The following ERMP1 variants were observed in gnomAD, a reference collection of about 807,000 sequenced individuals.
ERMP1 encodes endoplasmic reticulum metallopeptidase 1, also known as Felix-ina.
ERMP1 carries 86 observed loss-of-function variants against 92.0 expected under a neutral mutation model. That is an observed-to-expected ratio of 0.93 (90% CI 0.79 to 1.12). The LOEUF (loss-of-function observed/expected upper bound fraction) is 1.12, where lower values mean the gene tolerates loss of function less well. Ranked by LOEUF, ERMP1 falls within the 50% of genes most tolerant of loss-of-function variation. The pLI, the probability that ERMP1 is intolerant of heterozygous loss-of-function variation, is 0.00. For missense variants in ERMP1, 1,342 were observed against 1,116.3 expected (o/e 1.20, Z -2.88); for synonymous variants, 530 against 412.8 (o/e 1.28, Z -3.44).
At chr9:5,828,693 G>T (rs1405563354) in intron 2 of ERMP1, among the ~76,000 whole-genome samples, 1 of 152,184 alleles carries the variant, frequency 6.6e-6, no homozygotes, top group South Asian at 2.1e-4. Context: ...TGAAGTGCAT[G>T]TGTTAATAAA....
chr9:5,789,039 T>C lies in ERMP1; in HGVS notation c.2387-1446A>G, dbSNP rs192134587. ...GATAGTGGTAAAAATGGAAGGCAGGTCAGAAAAAATATTCATTTGGTACCC... is the reference window on the plus strand; with the variant it reads ...GATAGTGGTAAAAATGGAAGGCAGGCCAGAAAAAATATTCATTTGGTACCC... On this transcript the variant is annotated intron_variant, in intron 13 of 14. Transcript: ENST00000339450. Among the ~76,000 whole-genome samples, 3 of 151,714 alleles carry C rather than the reference T, an allele frequency of 2.0e-5. No homozygotes were observed. The East Asian group carries it at 5.8e-4, about 29-fold the overall frequency.
intron 13 of ERMP1, among the ~76,000 whole-genome samples, chr9:5,796,689 A>G (rs955522407): frequency 1.3e-5 from 2 of 152,194 alleles, no homozygotes; most frequent in African/African-American, 4.8e-5. Context: ...CTACAGAGAT[A>G]ATAAAAAGAC....
chr9:5,832,969 C>G lies in ERMP1; in HGVS notation c.59G>C (p.Arg20Pro). Residue 20 changes from arginine to proline, a missense_variant, in exon 1 of 15, where the codon CGA becomes CCA. Arg to Pro is a moderately radical substitution (Grantham distance 103, BLOSUM62 -2). Transcript: ENST00000339450. ...VRRHRVGVER[R>P]EGAAAAPPPE... ...CGGTGGCGCGGCCGCCGCTCCCTCT[C>G]GACGCTCTACTCCGACGCGGTGCCG... 6.4e-7 allele frequency: 1 copy of G among 1,565,866 alleles called. No homozygotes were observed. Among genetic ancestry groups the G allele is most frequent in the Non-Finnish European group, 8.6e-7 (1 of 1,166,874 alleles).
At position 5,787,412 on chromosome 9, in the gene ERMP1, ATGCTGGGAAAT is replaced by A; in HGVS notation, c.2550+7_2550+17del. ...GGGAACCTAATCAATGAAACAAACA[ATGCTGGGAAAT>A]TGGCACCTGCACTTCTATCCAGAAC... On this transcript the variant is annotated splice_region_variant and intron_variant, in intron 14 of 14. Transcript: ENST00000339450. 1 of 1,610,742 alleles carries A rather than the reference ATGCTGGGAAAT, an allele frequency of 6.2e-7. No homozygotes were observed. The highest frequency in any genetic ancestry group is 1.1e-5 in the South Asian group (1 of 90,674).
In ERMP1 at chr9:5,812,918, C is replaced by T. The variant is rs771593182; in HGVS notation, c.992G>A (p.Arg331His). ...SGIIPSDTDF[R>H]IYRDFGNIPG... ...AATGTTCCCAAAATCCCTGTAGATA[C>T]GAAAGTCAGTATCTGAAGGAATGAT... Residue 331 changes from arginine to histidine, a missense_variant, in exon 5 of 15, where the codon CGT becomes CAT. Transcript: ENST00000339450. 22 of 1,613,792 alleles carry T rather than the reference C, an allele frequency of 1.4e-5. No homozygotes were observed. The highest frequency in any genetic ancestry group is 4.0e-5 in the African/African-American group (3 of 74,868).
Position 5,805,164 on chromosome 9 carries a change from G to A in ERMP1, c.1777C>T (p.Leu593Phe), listed in dbSNP as rs1828822725. ...FYLLGMFIPY[L>F]YALYLIWAVF... ...GCCCAGATGAGGTACAATGCATAAA[G>A]ATAAGGAATAAACATCCCCAAAAGG... The change falls in exon 10 of 15, where the codon CTT (leucine) becomes TTT (phenylalanine). Residue 593 changes from leucine (L) to phenylalanine (F), a missense_variant. Coordinates refer to ENST00000339450, the MANE Select transcript of ERMP1 (RefSeq NM_024896.3). 6.2e-7 allele frequency: 1 copy of A among 1,612,562 alleles called. No individual in the cohort carries two copies.
chr9:5,837,432 A>G (rs1354599456), upstream of ERMP1, among the ~76,000 whole-genome samples: 1 of 152,186 alleles, frequency 6.6e-6, no homozygotes, highest in Non-Finnish European at 1.5e-5. Flanking sequence ...ATAATTAAAT[A>G]TTTATAATAA....
At position 5,805,730 on chromosome 9, in the gene ERMP1, T is replaced by C; in HGVS notation, c.1604A>G (p.His535Arg). 2 of 1,612,562 alleles carry C rather than the reference T, an allele frequency of 1.2e-6. No homozygotes were observed. Among genetic ancestry groups the C allele is most frequent in the Non-Finnish European group, 1.7e-6 (2 of 1,179,514 alleles). Reference sequence around the variant, plus strand: ...AGTGAGGGTAACAAGAAAACAGCAATGGACAAACAGCGAAATGTCAAAAAA... The same window carrying C: ...AGTGAGGGTAACAAGAAAACAGCAACGGACAAACAGCGAAATGTCAAAAAA... ...EVFFDISLFV[H>R]CCFLVTLTYQ... Residue 535 changes from histidine to arginine, a missense_variant, in exon 9 of 15, where the codon CAT (histidine) becomes CGT (arginine). Physicochemically the swap from His to Arg is conservative, Grantham distance 29. Transcript: ENST00000339450.
intron 12 of ERMP1, 30 bp from the exon 13 acceptor site, chr9:5,797,962 G>A (rs549014940): frequency 7.1e-7 from 1 of 1,401,970 alleles, no homozygotes; most frequent in Non-Finnish European, 1.0e-6. Context: ...CAGTTTTAGG[G>A]TGCTTTATTA....
In ERMP1 at chr9:5,852,089, A is replaced by C. The variant is rs79522258; in HGVS notation, n.3199+7379T>G. 5.9e-3 allele frequency among the ~76,000 whole-genome samples: 904 copies of C among 152,346 alleles called. 5 individuals carry two copies. The highest frequency in any genetic ancestry group is 8.1e-3 in the Non-Finnish European group (553 of 68,038). On this transcript the variant is annotated intron_variant and non_coding_transcript_variant, in intron 6 of 6. Coordinates refer to the ERMP1 transcript ENST00000690753. The stretch of plus-strand genomic sequence containing the variant: ...AAGCAACATACATACATGCTCAAGT[A>C]AAGCAAAAGGTTAAGTAAATTTCTG...
Position 5,814,509 on chromosome 9 carries a change from G to A in ERMP1, c.875-1474C>T, listed in dbSNP as rs1457120016. On this transcript the variant is annotated intron_variant, in intron 4 of 14. Coordinates refer to ENST00000339450, the MANE Select transcript of ERMP1 (RefSeq NM_024896.3). ...TATAATCCCAGCACTTTAGGAGGCCGAGGTGGGCAGAGCACCTGAGGTCAG... is the reference window on the plus strand; with the variant it reads ...TATAATCCCAGCACTTTAGGAGGCCAAGGTGGGCAGAGCACCTGAGGTCAG... Among the ~76,000 whole-genome samples the A allele has an allele frequency of 3.3e-5, 5 of 152,278 alleles. No individual in the cohort carries two copies. In the South Asian group the frequency reaches 6.2e-4, roughly 19 times the overall value.
chr9:5,817,772 A>G (rs1829375415), intron 4 of ERMP1, among the ~76,000 whole-genome samples: 1 of 152,148 alleles, frequency 6.6e-6, no homozygotes, highest in Non-Finnish European at 1.5e-5. Context: ...TCCAGGGAAA[A>G]CAGACCCAGC....
At chr9:5,850,906 A>C (rs1343000555) in intron 6 of ERMP1, among the ~76,000 whole-genome samples, 1 of 152,176 alleles carries the variant, frequency 6.6e-6, no homozygotes, top group Non-Finnish European at 1.5e-5. Context: ...AGAATAGAGA[A>C]TGAATGAGGA....
Position 5,860,636 on chromosome 9 carries a change from G to GT in ERMP1, n.3056-1026_3056-1025insA, listed in dbSNP as rs772257798. On this transcript the variant is annotated intron_variant and non_coding_transcript_variant, in intron 5 of 6. Transcript: ENST00000690753. ...AATTTTTTTTTTTTTTGTAGAGATC[G>GT]GGGGGTCTCACTCTGTTGCCCAGGC... is the stretch of plus-strand genomic sequence containing the variant. Among the ~76,000 whole-genome samples, 126 of 146,368 alleles carry GT rather than the reference G, an allele frequency of 8.6e-4. 1 individual carries two copies. In the Middle Eastern group the frequency reaches 0.014, roughly 16 times the overall value.
At chr9:5,856,441 G>A (rs7028300) in intron 6 of ERMP1, 4,452 of 166,934 alleles carry the variant, frequency 0.027, 229 homozygotes, top group African/African-American at 0.099. Flanking sequence ...TTTGGGAGGA[G>A]TGGGGTGGCC....
In ERMP1 at chr9:5,785,067, T is replaced by A. The variant is rs1827880711; in HGVS notation, c.*2077A>T. ...TGCTTGACCATTTCTGGCATTTAAATGACCTCCCAGAATATTACACAAGCC... is the reference window on the plus strand; with the variant it reads ...TGCTTGACCATTTCTGGCATTTAAAAGACCTCCCAGAATATTACACAAGCC... On this transcript the variant is annotated 3_prime_UTR_variant, in exon 15 of 15. Coordinates refer to ENST00000339450, the MANE Select transcript of ERMP1 (RefSeq NM_024896.3). 6.6e-6 allele frequency: 1 copy of A among 152,222 alleles called. No homozygotes were observed. The highest frequency in any genetic ancestry group is 2.4e-5 in the African/African-American group (1 of 41,460). The allele number at this position is 152,222 out of a possible 1,614,324, so 9.4% of individuals were successfully genotyped here.
chr9:5,866,835 C>T (rs369635037), intron 5 of ERMP1, among the ~76,000 whole-genome samples: 2 of 152,156 alleles, frequency 1.3e-5, no homozygotes, highest in Non-Finnish European at 2.9e-5. Context: ...CTTTTCTATT[C>T]GTGAGCCCTC....
intron 13 of ERMP1, among the ~76,000 whole-genome samples, chr9:5,790,462 A>G: frequency 6.6e-6 from 1 of 152,252 alleles, no homozygotes; most frequent in Non-Finnish European, 1.5e-5. Context: ...TAATGTAAAT[A>G]AACCTAACTT....
rs958519291 is a variant in ERMP1 at position 5,825,066 on chromosome 9, T to C, written c.768+26A>G. The stretch of plus-strand genomic sequence containing the variant: ...TATTAATCTCATCCTTATTCAAGCC[T>C]GATATTTAAAACAGTAAAATCTCAC... On this transcript the variant is annotated intron_variant, in intron 3 of 14. Transcript: ENST00000339450. 13 of 1,609,142 alleles carry C rather than the reference T, an allele frequency of 8.1e-6. No homozygotes were observed. The Admixed American group carries it at 8.3e-5, about 10-fold the overall frequency.
Sources: allele counts gnomAD v4.1 joint callset (sites outside exome capture counted in the v4.1 genomes callset), GRCh38; gene constraint gnomAD v4.1.1; transcripts MANE v1.5; gene names NCBI Gene and HGNC (gene_info 2026-07-23, HGNC 2026-07-21).